RPS6KA1: variants seen among roughly 807,000 people sequenced by gnomAD.
RPS6KA1 encodes the protein ribosomal protein S6 kinase A1, also known as ribosomal protein S6 kinase alpha-1.
In RPS6KA1, 48 loss-of-function variants were observed where a neutral mutation model predicts 91.3. That is an observed-to-expected ratio of 0.53 (90% confidence interval 0.42 to 0.67). The LOEUF (loss-of-function observed/expected upper bound fraction) is 0.67. RPS6KA1 is among the 30% of genes least tolerant of loss of function. RPS6KA1 has a pLI of 0.00. For missense variants in RPS6KA1, 719 were observed against 960.5 expected (o/e 0.75, Z 3.32); for synonymous variants, 359 against 384.7 (o/e 0.93, Z 0.78).
chr1:26,529,779 C>A lies in RPS6KA1; in HGVS notation c.-142C>A. On this transcript the variant is annotated 5_prime_UTR_variant, in exon 1 of 22. Coordinates refer to ENST00000374168, the MANE Select transcript of RPS6KA1 (RefSeq NM_002953.4). This position sits in a 1 kb window ranked among gnomAD's most constrained non-coding sequence, Gnocchi z 4.2. ...GGGAGCCGAAGTGCTAGTGCCGCGG[C>A]GGCGGCGGCGGACGGCCCAGCCGGA... The A allele has an allele frequency of 2.3e-6, 1 of 439,370 alleles. No homozygotes were observed. Among genetic ancestry groups the A allele is most frequent in the Non-Finnish European group, 3.4e-6 (1 of 296,184 alleles). The allele number at this position is 439,370 out of a possible 1,614,324, so 27.2% of individuals were successfully genotyped here.
In RPS6KA1 at chr1:26,554,506, G is replaced by A; in HGVS notation, c.614-90G>A. On this transcript the variant is annotated intron_variant, in intron 8 of 21. Coordinates refer to ENST00000374168, the MANE Select transcript of RPS6KA1 (RefSeq NM_002953.4). The surrounding 1 kb of genome is among the most constrained non-coding windows in gnomAD (Gnocchi z 4.6). ...GAGTGTCATGGGGGTGATGCCTTCTGGCCTCTGGGCACGGGGGTTGGGTGT... is the reference window on the plus strand; with the variant it reads ...GAGTGTCATGGGGGTGATGCCTTCTAGCCTCTGGGCACGGGGGTTGGGTGT... 6.6e-7 allele frequency: 1 copy of A among 1,512,422 alleles called. No individual in the cohort carries two copies. Among genetic ancestry groups the A allele is most frequent in the Non-Finnish European group, 9.0e-7 (1 of 1,116,712 alleles). 93.7% of individuals were successfully genotyped at this position (1,512,422 alleles called of 1,614,324 possible). A position where few individuals can be genotyped will look rare whatever the true frequency, so the allele number is the denominator to read the frequency against.
rs761503982 is a variant in RPS6KA1, at chr1:26,571,054, G to A, written c.1591-395G>A. On this transcript the variant is annotated intron_variant, in intron 17 of 21. Coordinates refer to ENST00000374168, the MANE Select transcript of RPS6KA1 (RefSeq NM_002953.4). The surrounding 1 kb of genome is among the most constrained non-coding windows in gnomAD (Gnocchi z 5.1). Reference sequence around the variant, plus strand: ...GGAGAATTGCTTGAACCCGGGAGGCGGAGGCTGCAGTGATCTGAGGTCGTG... The same window carrying A: ...GGAGAATTGCTTGAACCCGGGAGGCAGAGGCTGCAGTGATCTGAGGTCGTG... Among the ~76,000 whole-genome samples, 6 of 152,226 alleles carry A rather than the reference G, an allele frequency of 3.9e-5. No homozygotes were observed. Among genetic ancestry groups the A allele is most frequent in the South Asian group, 2.1e-4 (1 of 4,824 alleles).
In RPS6KA1 at chr1:26,573,091, T is replaced by C. The variant is rs547409003; in HGVS notation, c.1948-133T>C. 36 of 899,616 alleles carry C rather than the reference T, an allele frequency of 4.0e-5. No homozygotes were observed. In the African/African-American group the frequency reaches 5.2e-4, roughly 13 times the overall value. The allele number at this position is 899,616 out of a possible 1,614,324, so 55.7% of individuals were successfully genotyped here. On this transcript the variant is annotated intron_variant, in intron 20 of 21. Coordinates refer to ENST00000374168, the MANE Select transcript of RPS6KA1 (RefSeq NM_002953.4). ...GTGTGCGGGGAGCCCTGGAGCAGAG[T>C]GGAGAATGGATCCCAGGGGCTGCCG...
At position 26,555,385 on chromosome 1, in the gene RPS6KA1, G is replaced by T; in HGVS notation, c.828-152G>T. 5 of 980,348 alleles carry T rather than the reference G, an allele frequency of 5.1e-6. No individual in the cohort carries two copies. The highest frequency in any genetic ancestry group is 7.7e-6 in the Non-Finnish European group (5 of 646,648). 60.7% of individuals were successfully genotyped at this position (980,348 alleles called of 1,614,324 possible). A position where few individuals can be genotyped will look rare whatever the true frequency, so the allele number is the denominator to read the frequency against. On this transcript the variant is annotated intron_variant, in intron 10 of 21. Coordinates refer to ENST00000374168, the MANE Select transcript of RPS6KA1 (RefSeq NM_002953.4). This position sits in a 1 kb window ranked among gnomAD's most constrained non-coding sequence, Gnocchi z 4.3. ...TCCAGAGCCCCTCTTTCATCCCTGG[G>T]GGCCTGTGGGTAGGATCCCTGAAGC...
In RPS6KA1 at chr1:26,551,319, G is replaced by T. The variant is rs2076047480; in HGVS notation, c.308-78G>T. The T allele has an allele frequency of 7.7e-7, 1 of 1,290,926 alleles. No individual in the cohort carries two copies. The highest frequency in any genetic ancestry group is 1.1e-6 in the Non-Finnish European group (1 of 892,260). 80.0% of individuals were successfully genotyped at this position (1,290,926 alleles called of 1,614,324 possible). On this transcript the variant is annotated intron_variant, in intron 4 of 21. Transcript: ENST00000374168. This position sits in a 1 kb window ranked among gnomAD's most constrained non-coding sequence, Gnocchi z 4.5. ...CAGGCCTGGAGGAACAAGTGGAAAA[G>T]AGATCCCTTAGCGGGGGCTTGGGAG...
In RPS6KA1 at chr1:26,555,520, C is replaced by T. The variant is rs1477610893; in HGVS notation, c.828-17C>T. 1 of 1,570,436 alleles carries T rather than the reference C, an allele frequency of 6.4e-7. No homozygotes were observed. Among genetic ancestry groups the T allele is most frequent in the Non-Finnish European group, 8.6e-7 (1 of 1,156,594 alleles). On this transcript the variant is annotated splice_polypyrimidine_tract_variant and intron_variant, in intron 10 of 21. Coordinates refer to ENST00000374168, the MANE Select transcript of RPS6KA1 (RefSeq NM_002953.4). This position sits in a 1 kb window ranked among gnomAD's most constrained non-coding sequence, Gnocchi z 4.3. ...GGGGCAGGGCTCAGCCTTGATGAGT[C>T]CCGGGGGCTGTTTCAGGGCGAAGCT...
rs1243598338 is a variant in RPS6KA1, at chr1:26,529,953, G to A, written c.33G>A (p.Pro11=). Residue 11 remains proline (P), a synonymous_variant, in exon 1 of 22, where the codon CCG becomes CCA. Coordinates refer to ENST00000374168, the MANE Select transcript of RPS6KA1 (RefSeq NM_002953.4). The surrounding 1 kb of genome is among the most constrained non-coding windows in gnomAD (Gnocchi z 4.2). MPLAQLKEPW[P]LMELVPLDPE... is the part of the protein sequence containing the mutation. The stretch of plus-strand genomic sequence containing the variant: ...TCGCCCAGCTCAAGGAGCCCTGGCC[G>A]CTCATGGAGCTAGTGCCTCTGGACC... The A allele has an allele frequency of 1.4e-6, 2 of 1,432,570 alleles. No homozygotes were observed. The highest frequency in any genetic ancestry group is 1.3e-5 in the South Asian group (1 of 75,486). 88.7% of individuals were successfully genotyped at this position (1,432,570 alleles called of 1,614,324 possible).
Position 26,546,991 on chromosome 1 carries a change from A to G in RPS6KA1, c.225+8A>G. ...CAGGGATCCTTTGGCAAAGTGAGTC[A>G]TGAGCCCATAGCTGTGAAGGCAACA... On this transcript the variant is annotated splice_region_variant and intron_variant, in intron 3 of 21. Coordinates refer to ENST00000374168, the MANE Select transcript of RPS6KA1 (RefSeq NM_002953.4). 1 of 1,608,550 alleles carries G rather than the reference A, an allele frequency of 6.2e-7. No homozygotes were observed. Among genetic ancestry groups the G allele is most frequent in the African/African-American group, 1.3e-5 (1 of 74,948 alleles).
At chr1:26,542,151 T>A (rs1477759777) in intron 2 of RPS6KA1, among the ~76,000 whole-genome samples, 1 of 152,206 alleles carries the variant, frequency 6.6e-6, no homozygotes, top group African/African-American at 2.4e-5. Flanking sequence ...AGCCCGTATC[T>A]GGAGAGTCTC....
intron 11 of RPS6KA1, 115 bp from the exon 12 acceptor site, chr1:26,556,539 T>G: frequency 9.2e-7 from 1 of 1,088,994 alleles, no homozygotes; most frequent in Non-Finnish European, 1.4e-6. Context: ...AGTGAGCCCA[T>G]TTTCCCCTCT....
chr1:26,535,107 C>T (rs1364857846), intron 1 of RPS6KA1, among the ~76,000 whole-genome samples: 1 of 151,996 alleles, frequency 6.6e-6, no homozygotes, highest in Non-Finnish European at 1.5e-5. Context: ...AAGTGGAGCT[C>T]AGTCTACAAA....
In RPS6KA1 at chr1:26,547,169, T is replaced by C. The variant is rs2076002638; in HGVS notation, c.226-20T>C. On this transcript the variant is annotated intron_variant, in intron 3 of 21. Transcript: ENST00000374168. This position sits in a 1 kb window ranked among gnomAD's most constrained non-coding sequence, Gnocchi z 4.1. ...AGACCTCTCCCATCTTCTGCCCTGCTTCCTGCTCTGCCTTCTCAGGTCTTC... is the reference window on the plus strand; with the variant it reads ...AGACCTCTCCCATCTTCTGCCCTGCCTCCTGCTCTGCCTTCTCAGGTCTTC... 18 of 1,613,454 alleles carry C rather than the reference T, an allele frequency of 1.1e-5. No individual in the cohort carries two copies. The East Asian group carries it at 4.0e-4, about 36-fold the overall frequency.
At chr1:26,530,052 C>T (rs2075856984) in intron 1 of RPS6KA1, 69 bp downstream of exon 1, 2 of 1,109,828 alleles carry the variant, frequency 1.8e-6, no homozygotes, top group East Asian at 3.6e-5. Flanking sequence ...GGCGGGGCGG[C>T]CCGAAGCGCC....
At chr1:26,546,746 A>C in intron 2 of RPS6KA1, 121 bp from the exon 3 acceptor site, 2 of 690,252 alleles carry the variant, frequency 2.9e-6, no homozygotes, top group Non-Finnish European at 5.1e-6. Flanking sequence ...CCTTCAGGGA[A>C]GTCGTCTATT....
In RPS6KA1 at chr1:26,561,449, C is replaced by T. The variant is rs976201877; in HGVS notation, c.1432-56C>T. The T allele has an allele frequency of 1.2e-6, 2 of 1,611,062 alleles. No homozygotes were observed. Among genetic ancestry groups the T allele is most frequent in the Admixed American group, 3.3e-5 (2 of 59,940 alleles). On this transcript the variant is annotated intron_variant, in intron 16 of 21. Coordinates refer to ENST00000374168, the MANE Select transcript of RPS6KA1 (RefSeq NM_002953.4). The surrounding 1 kb of genome is among the most constrained non-coding windows in gnomAD (Gnocchi z 5.7). ...TTCCCTGCTCTGGGGCGCTGCTGAC[C>T]AGGGGGCTCAGGCCTGACACTGGGG...
Position 26,570,996 on chromosome 1 carries a change from G to A in RPS6KA1, c.1591-453G>A, listed in dbSNP as rs977444911. ...AAATCAGCCAGCCATGGCGGCGGGT[G>A]CCTGTAATCCCAGCTACTTGGGAGC... is the stretch of plus-strand genomic sequence containing the variant. On this transcript the variant is annotated intron_variant, in intron 17 of 21. Coordinates refer to ENST00000374168, the MANE Select transcript of RPS6KA1 (RefSeq NM_002953.4). Among the ~76,000 whole-genome samples the A allele has an allele frequency of 7.7e-5, 11 of 142,986 alleles. No homozygotes were observed. The East Asian group carries it at 2.6e-3, about 33-fold the overall frequency. The allele number at this position is 142,986 out of a possible 152,430, so 93.8% of individuals were successfully genotyped here. A position where few individuals can be genotyped will look rare whatever the true frequency, so the allele number is the denominator to read the frequency against.
intron 17 of RPS6KA1, among the ~76,000 whole-genome samples, chr1:26,562,188 A>G (rs763128999): frequency 1.3e-5 from 2 of 152,172 alleles, no homozygotes; most frequent in Non-Finnish European, 2.9e-5. Flanking sequence ...TGGGCAACAG[A>G]GCGAAACTCC....
intron 21 of RPS6KA1, 57 bp downstream of exon 21, chr1:26,573,418 C>G: frequency 6.2e-7 from 1 of 1,603,026 alleles, no homozygotes; most frequent in Non-Finnish European, 8.5e-7. Context: ...GTGGCATGGT[C>G]AGGGACTTGT....
Position 26,555,643 on chromosome 1 carries a change from A to C in RPS6KA1, c.916+18A>C, listed in dbSNP as rs1481991483. The C allele has an allele frequency of 6.3e-7, 1 of 1,576,276 alleles. No homozygotes were observed. The highest frequency in any genetic ancestry group is 1.2e-5 in the South Asian group (1 of 86,486). ...CCGGCTCGGTAAGCAGCCCCAGCTC[A>C]GGGGAGGGGATGTGGCGATGGGGAG... On this transcript the variant is annotated intron_variant, in intron 11 of 21. Coordinates refer to ENST00000374168, the MANE Select transcript of RPS6KA1 (RefSeq NM_002953.4). The surrounding 1 kb of genome is among the most constrained non-coding windows in gnomAD (Gnocchi z 4.3).
Sources: gnomAD v4.1 joint callset for allele counts (sites outside exome capture counted in the v4.1 genomes callset) on GRCh38, gnomAD v4.1.1 for gene constraint, Gnocchi (gnomAD v3.1) non-coding constraint, MANE v1.5 for transcripts, NCBI Gene and HGNC (gene_info 2026-07-23, HGNC 2026-07-21) for gene names.